Variants in PRELID2 observed in about 807,000 individuals in gnomAD.
The protein encoded by PRELID2 is PRELI domain-containing protein 2.
PRELID2 carries 25 observed loss-of-function variants against 28.4 expected under a neutral mutation model. The observed-to-expected ratio is 0.88, with a 90% CI of 0.64 to 1.23. The LOEUF (loss-of-function observed/expected upper bound fraction) is 1.23, where lower values mean the gene tolerates loss of function less well. Ranked by LOEUF, PRELID2 falls within the 50% of genes most tolerant of loss-of-function variation. PRELID2 has a pLI of 0.00. For synonymous variants in PRELID2, 76 were observed against 71.6 expected, an observed-to-expected ratio of 1.06 and a Z score of -0.31; for missense variants, 201 against 214.4, an observed-to-expected ratio of 0.94 and a Z score of 0.39.
chr5:145,336,699 C>T, the PRELID2 span, among the ~76,000 whole-genome samples: 5 of 152,062 alleles, frequency 3.3e-5, no homozygotes, highest in East Asian at 7.7e-4. Flanking sequence ...ATAGCAAAGA[C>T]TTGGAACCAA....
At chr5:145,324,540 C>T in the PRELID2 span, among the ~76,000 whole-genome samples, 10 of 152,150 alleles carry the variant, frequency 6.6e-5, no homozygotes, top group Non-Finnish European at 1.3e-4. Context: ...CCTGTCTACC[C>T]AGTTCAGGTC....
intron 1 of PRELID2, among the ~76,000 whole-genome samples, chr5:145,734,182 C>G (rs979604641): frequency 1.3e-5 from 2 of 152,092 alleles, no homozygotes; most frequent in Non-Finnish European, 2.9e-5. Context: ...GTGGCATGAT[C>G]ATAACTCACT....
intron 1 of PRELID2, among the ~76,000 whole-genome samples, chr5:145,603,929 G>GTATTCTATTT (rs1753455433): frequency 2.6e-5 from 4 of 151,784 alleles, no homozygotes; most frequent in Non-Finnish European, 5.9e-5. Flanking sequence ...TGATTAAATA[G>GTATTCTATTT]AATAGTCAAT....
intron 1 of PRELID2, among the ~76,000 whole-genome samples, chr5:145,694,453 A>T (rs1334425257): frequency 1.3e-5 from 2 of 152,166 alleles, no homozygotes; most frequent in Non-Finnish European, 2.9e-5. Flanking sequence ...TTTTGCTTTT[A>T]AAATATGTTA....
intron 1 of PRELID2, among the ~76,000 whole-genome samples, chr5:145,655,011 A>G (rs149993751): frequency 0.074 from 11,065 of 149,868 alleles, 1,102 homozygotes; most frequent in African/African-American, 0.22. Context: ...CATCGTCTCA[A>G]CCCAAAATCT....
chr5:145,296,525 C>A, the PRELID2 span, among the ~76,000 whole-genome samples: 4 of 152,102 alleles, frequency 2.6e-5, no homozygotes, highest in African/African-American at 9.7e-5. Context: ...ATGAACTCAT[C>A]ATTTTTTATG....
chr5:145,697,064 T>C (rs1011317749), intron 1 of PRELID2, among the ~76,000 whole-genome samples: 1 of 120,732 alleles, frequency 8.3e-6, no homozygotes, highest in Non-Finnish European at 1.6e-5. Flanking sequence ...TATATATATA[T>C]ATATATATAT....
chr5:145,597,659 T>C (rs1753329144), intron 1 of PRELID2, among the ~76,000 whole-genome samples: 1 of 152,178 alleles, frequency 6.6e-6, no homozygotes. Context: ...ATTCTACATG[T>C]TAAGTCAAGA....
the PRELID2 span, among the ~76,000 whole-genome samples, chr5:145,322,618 T>C: frequency 6.6e-6 from 1 of 152,194 alleles, no homozygotes; most frequent in East Asian, 1.9e-4. Flanking sequence ...TCAACTGATA[T>C]ATAATTATTT....
At chr5:145,820,660 G>A (rs548138659) in intron 2 of PRELID2, among the ~76,000 whole-genome samples, 1 of 152,092 alleles carries the variant, frequency 6.6e-6, no homozygotes, top group African/African-American at 2.4e-5. Context: ...AAACCTGTAC[G>A]GTTCTGCAGC....
intron 1 of PRELID2, among the ~76,000 whole-genome samples, chr5:145,669,722 C>G (rs17103595): frequency 0.076 from 11,521 of 152,216 alleles, 647 homozygotes; most frequent in Admixed American, 0.19. Context: ...CCAGTAGCCT[C>G]TCTCTGTGCT....
At chr5:145,449,337 A>G in the PRELID2 span, among the ~76,000 whole-genome samples, 2 of 152,012 alleles carry the variant, frequency 1.3e-5, no homozygotes, top group African/African-American at 4.8e-5. Flanking sequence ...ACTGGGATGG[A>G]TGGGGAGCTG....
At chr5:145,361,363 A>C in the PRELID2 span, among the ~76,000 whole-genome samples, 1 of 152,290 alleles carries the variant, frequency 6.6e-6, no homozygotes, top group Admixed American at 6.5e-5. Flanking sequence ...TGGCAGAGTA[A>C]AACCAATGAC....
the PRELID2 span, among the ~76,000 whole-genome samples, chr5:145,336,980 G>A: frequency 1.9e-5 from 2 of 106,432 alleles, no homozygotes; most frequent in Non-Finnish European, 3.6e-5. Context: ...GGGGAGGGGG[G>A]AGGGATAGCT....
chr5:145,418,661 A>G, the PRELID2 span, among the ~76,000 whole-genome samples: 13 of 152,304 alleles, frequency 8.5e-5, no homozygotes, highest in East Asian at 2.3e-3. Context: ...TATGCAATAA[A>G]TGGTGCTGGG....
At chr5:145,401,191 T>A in the PRELID2 span, among the ~76,000 whole-genome samples, 1 of 152,052 alleles carries the variant, frequency 6.6e-6, no homozygotes, top group South Asian at 2.1e-4. Context: ...ATTTTTGAAC[T>A]GAGATTTTGC....
intron 5 of PRELID2, among the ~76,000 whole-genome samples, chr5:145,791,977 T>C (rs903722425): frequency 1.8e-4 from 27 of 152,148 alleles, no homozygotes; most frequent in African/African-American, 6.3e-4. Flanking sequence ...GGGAAGATAT[T>C]CACTTGCCCC....
Position 145,726,735 on chromosome 5 carries a change from T to C in PRELID2, n.70+38196A>G, listed in dbSNP as rs2149722437. Among the ~76,000 whole-genome samples the C allele has an allele frequency of 2.0e-5, 3 of 152,316 alleles. No homozygotes were observed. In the South Asian group the frequency reaches 6.2e-4, roughly 32 times the overall value. Reference sequence around the variant, plus strand: ...CCTTGCATCAGTTCCCTCAGCCCAGTTCTGACACCAGCTGTAGCTTTTCAC... The same window carrying C: ...CCTTGCATCAGTTCCCTCAGCCCAGCTCTGACACCAGCTGTAGCTTTTCAC... On this transcript the variant is annotated intron_variant and non_coding_transcript_variant, in intron 1 of 2. Coordinates refer to the PRELID2 transcript ENST00000510259.
At chr5:145,512,580 T>C (rs1169678545) in intron 1 of PRELID2, among the ~76,000 whole-genome samples, 2 of 152,306 alleles carry the variant, frequency 1.3e-5, no homozygotes, top group African/African-American at 2.4e-5. Context: ...TAAATGTTCT[T>C]GCCTGCCAGC....
Sources: gnomAD v4.1 joint callset for allele counts (sites outside exome capture counted in the v4.1 genomes callset) on GRCh38, gnomAD v4.1.1 for gene constraint, MANE v1.5 for transcripts, NCBI Gene and HGNC (gene_info 2026-07-23, HGNC 2026-07-21) for gene names.